Variants in ANKS1B observed in about 807,000 individuals in gnomAD.
ANKS1B encodes ankyrin repeat and sterile alpha motif domain containing 1B.
ANKS1B carries 36 observed loss-of-function variants against 148.3 expected under a neutral mutation model. That is an observed-to-expected ratio of 0.24 (90% CI 0.19 to 0.32). The LOEUF (loss-of-function observed/expected upper bound fraction) is 0.32. Among genes scored for constraint, ANKS1B ranks in the 10% least tolerant of loss-of-function variants. ANKS1B has a pLI of 1.00. For missense variants in ANKS1B, 1,157 were observed against 1,542.6 expected (o/e 0.75, Z 4.19); for synonymous variants, 542 against 560.8 (o/e 0.97, Z 0.47).
chr12:99,148,507 T>C (rs1173971506), intron 15 of ANKS1B, among the ~76,000 whole-genome samples: 5 of 152,088 alleles, frequency 3.3e-5, no homozygotes, highest in African/African-American at 1.2e-4. Flanking sequence ...CAATCAGTAT[T>C]CGTGCAAGGC....
intron 9 of ANKS1B, among the ~76,000 whole-genome samples, chr12:99,563,062 A>G (rs540855765): frequency 1.3e-5 from 2 of 152,286 alleles, no homozygotes; most frequent in Non-Finnish European, 1.5e-5. Flanking sequence ...ATAAAATTGA[A>G]GAGAGTTAAG....
At chr12:99,829,454 T>C (rs908700112) in intron 1 of ANKS1B, among the ~76,000 whole-genome samples, 1 of 152,024 alleles carries the variant, frequency 6.6e-6, no homozygotes, top group Non-Finnish European at 1.5e-5. Flanking sequence ...ATCGAGACCA[T>C]CCTGGCTAAC....
intron 8 of ANKS1B, among the ~76,000 whole-genome samples, chr12:99,701,568 A>AAT (rs2054825227): frequency 6.6e-6 from 1 of 152,110 alleles, no homozygotes; most frequent in Non-Finnish European, 1.5e-5. Context: ...AGTTATTCAC[A>AAT]AATGTACAAC....
chr12:99,914,139 T>G (rs1222449161), intron 1 of ANKS1B, among the ~76,000 whole-genome samples: 3 of 152,184 alleles, frequency 2.0e-5, no homozygotes, highest in Admixed American at 6.5e-5. Flanking sequence ...CCTAAGTCCT[T>G]ACACCAGGGT....
chr12:99,346,667 C>A lies in ANKS1B; in HGVS notation c.1756+52964G>T, dbSNP rs1310204459. 2.6e-5 allele frequency among the ~76,000 whole-genome samples: 4 copies of A among 151,974 alleles called. No individual in the cohort carries two copies. The South Asian group carries it at 8.3e-4, about 32-fold the overall frequency. On this transcript the variant is annotated intron_variant, in intron 12 of 26. Transcript: ENST00000683438. ...GGCAAAACTGTCAGAAACAAAGTTACTGAAATTCTGGAAAATGGGATGTCT... is the reference window on the plus strand; with the variant it reads ...GGCAAAACTGTCAGAAACAAAGTTAATGAAATTCTGGAAAATGGGATGTCT...
chr12:99,187,070 G>A (rs902793190), intron 14 of ANKS1B, among the ~76,000 whole-genome samples: 2 of 151,666 alleles, frequency 1.3e-5, no homozygotes, highest in East Asian at 2.0e-4. Context: ...AATTGATCAA[G>A]CAGAAGAAAG....
intron 9 of ANKS1B, among the ~76,000 whole-genome samples, chr12:99,523,710 G>A (rs1003028578): frequency 2.8e-4 from 43 of 151,550 alleles, no homozygotes; most frequent in African/African-American, 8.7e-4. Flanking sequence ...CCGCCACCAC[G>A]CCCGGCTAAT....
intron 2 of ANKS1B, among the ~76,000 whole-genome samples, chr12:99,813,919 C>T (rs776800700): frequency 6.6e-6 from 1 of 151,636 alleles, no homozygotes; most frequent in Non-Finnish European, 1.5e-5. Flanking sequence ...AATGATAATT[C>T]GATCAACAAC....
intron 17 of ANKS1B, among the ~76,000 whole-genome samples, chr12:98,914,351 C>T (rs1467067041): frequency 1.3e-5 from 2 of 152,078 alleles, no homozygotes; most frequent in East Asian, 3.9e-4. Flanking sequence ...GCCAGACAAA[C>T]CTCTTTTCTT....
At chr12:99,499,585 T>C (rs916506103) in intron 10 of ANKS1B, among the ~76,000 whole-genome samples, 2 of 152,154 alleles carry the variant, frequency 1.3e-5, no homozygotes, top group Non-Finnish European at 2.9e-5. Flanking sequence ...GATGTTGCCT[T>C]CTGATGTCTC....
At chr12:99,388,972 T>C in intron 12 of ANKS1B, among the ~76,000 whole-genome samples, 1 of 152,192 alleles carries the variant, frequency 6.6e-6, no homozygotes, top group Non-Finnish European at 1.5e-5. Flanking sequence ...CTAAAACATC[T>C]GGGAGTTATA....
chr12:99,477,443 T>C (rs1595575723), intron 10 of ANKS1B, among the ~76,000 whole-genome samples: 2 of 152,116 alleles, frequency 1.3e-5, no homozygotes, highest in African/African-American at 4.8e-5. Flanking sequence ...CCTTCAGTCC[T>C]AGGCAAACCA....
intron 9 of ANKS1B, among the ~76,000 whole-genome samples, chr12:99,600,866 C>T (rs1207081896): frequency 6.6e-6 from 1 of 152,044 alleles, no homozygotes; most frequent in Non-Finnish European, 1.5e-5. Flanking sequence ...ATGTTTTGAT[C>T]CAATGTAAAT....
intron 15 of ANKS1B, among the ~76,000 whole-genome samples, chr12:99,091,287 A>T (rs1303045574): frequency 7.2e-5 from 11 of 152,162 alleles, no homozygotes; most frequent in African/African-American, 2.7e-4. Flanking sequence ...TATTTTTGAA[A>T]CCCAATTCCC....
chr12:99,450,281 G>A (rs1280702314), intron 10 of ANKS1B, among the ~76,000 whole-genome samples: 1 of 152,166 alleles, frequency 6.6e-6, no homozygotes, highest in Non-Finnish European at 1.5e-5. Flanking sequence ...TAACAGTAGG[G>A]TGGATGATTT....
At chr12:99,596,610 G>A (rs2097760563) in intron 9 of ANKS1B, among the ~76,000 whole-genome samples, 1 of 151,852 alleles carries the variant, frequency 6.6e-6, no homozygotes, top group Admixed American at 6.6e-5. Context: ...TGTTTAAGCT[G>A]TAAAATTCTG....
intron 26 of ANKS1B, among the ~76,000 whole-genome samples, chr12:98,748,245 G>A (rs549158552): frequency 1.1e-4 from 17 of 152,288 alleles, no homozygotes; most frequent in African/African-American, 4.1e-4. Context: ...TCGTTGAGGG[G>A]TTGGGGTCAG....
intron 22 of ANKS1B, among the ~76,000 whole-genome samples, chr12:98,796,035 T>G (rs1207028839): frequency 6.6e-6 from 1 of 152,196 alleles, no homozygotes; most frequent in Non-Finnish European, 1.5e-5. Flanking sequence ...TTTAAGATCG[T>G]CTATTATGAT....
chr12:98,756,486 G>T (rs2098245157), intron 25 of ANKS1B, among the ~76,000 whole-genome samples: 1 of 151,096 alleles, frequency 6.6e-6, no homozygotes, highest in East Asian at 2.0e-4. Context: ...GCTGAGGTGG[G>T]TGGATCACTT....
Sources: gnomAD v4.1 joint callset for allele counts (sites outside exome capture counted in the v4.1 genomes callset) on GRCh38, gnomAD v4.1.1 for gene constraint, MANE v1.5 for transcripts, NCBI Gene and HGNC (gene_info 2026-07-23, HGNC 2026-07-21) for gene names.